Variants in EIF3H observed in about 807,000 individuals in gnomAD.
EIF3H encodes the protein eIF-3-gamma.
In EIF3H, 26 loss-of-function variants were observed where a neutral mutation model predicts 44.2. That is an observed-to-expected ratio of 0.59 (90% CI 0.43 to 0.82). The LOEUF (loss-of-function observed/expected upper bound fraction) is 0.82, where lower values mean the gene tolerates loss of function less well. Ranked by LOEUF, EIF3H falls within the 40% of genes least tolerant of loss-of-function variation. The pLI is 0.00. For missense variants in EIF3H, 359 were observed against 432.8 expected, an observed-to-expected ratio of 0.83 and a Z score of 1.51; for synonymous variants, 166 against 151.9, an observed-to-expected ratio of 1.09 and a Z score of -0.68.
intron 2 of EIF3H, among the ~76,000 whole-genome samples, chr8:116,715,122 T>C (rs1291183156): frequency 6.6e-6 from 1 of 152,082 alleles, no homozygotes; most frequent in Non-Finnish European, 1.5e-5. Context: ...AATAACCCTA[T>C]GCTGGGAAAA....
At chr8:116,667,268 C>T (rs1301219127) in intron 2 of EIF3H, among the ~76,000 whole-genome samples, 1 of 152,048 alleles carries the variant, frequency 6.6e-6, no homozygotes, top group South Asian at 2.1e-4. Context: ...AGTACTTAAC[C>T]CTGAATGAAA....
At chr8:116,717,733 A>T (rs1257895889) in intron 2 of EIF3H, among the ~76,000 whole-genome samples, 1 of 152,186 alleles carries the variant, frequency 6.6e-6, no homozygotes, top group Non-Finnish European at 1.5e-5. Context: ...CTCTCACCTT[A>T]TACAAAAATC....
intron 2 of EIF3H, among the ~76,000 whole-genome samples, chr8:116,724,259 A>G (rs937471142): frequency 2.6e-5 from 4 of 152,222 alleles, no homozygotes; most frequent in Admixed American, 6.5e-5. Context: ...TCCACATGCC[A>G]AAGAACGAAG....
intron 1 of EIF3H, among the ~76,000 whole-genome samples, chr8:116,740,076 A>G (rs558785941): frequency 1.3e-5 from 2 of 152,340 alleles, no homozygotes; most frequent in South Asian, 2.1e-4. Context: ...TAAACACTCT[A>G]TCTTAACCCT....
At chr8:116,673,199 T>C (rs1484046430) in intron 2 of EIF3H, among the ~76,000 whole-genome samples, 1 of 152,070 alleles carries the variant, frequency 6.6e-6, no homozygotes, top group African/African-American at 2.4e-5. Context: ...TTTTAAAACA[T>C]CAGCAAAAGC....
At chr8:116,722,485 T>C (rs1814766544) in intron 2 of EIF3H, among the ~76,000 whole-genome samples, 1 of 152,250 alleles carries the variant, frequency 6.6e-6, no homozygotes, top group Admixed American at 6.5e-5. Context: ...GTCCCCTCTA[T>C]ACCTCCCCTT....
intron 6 of EIF3H, among the ~76,000 whole-genome samples, chr8:116,647,535 G>GATAT (rs911925851): frequency 6.6e-6 from 1 of 152,164 alleles, no homozygotes; most frequent in Admixed American, 6.5e-5. Flanking sequence ...AGAAAGCAGG[G>GATAT]ATATATATAA....
rs573907222 is a variant in EIF3H at position 116,719,610 on chromosome 8, T to C, written c.289+6406A>G. On this transcript the variant is annotated intron_variant, in intron 2 of 7. Coordinates refer to ENST00000521861, the MANE Select transcript of EIF3H (RefSeq NM_003756.3). ...TCTAAAGGGTTGAGGAGTAAATGGT[T>C]GTCAGAAAATTTATGAATATTTTTA... Among the ~76,000 whole-genome samples the C allele has an allele frequency of 3.9e-5, 6 of 152,256 alleles. No homozygotes were observed. In the South Asian group the frequency reaches 1.2e-3, roughly 32 times the overall value.
chr8:116,718,127 T>A (rs1283503163), intron 2 of EIF3H, among the ~76,000 whole-genome samples: 2 of 151,946 alleles, frequency 1.3e-5, no homozygotes, highest in Non-Finnish European at 2.9e-5. Flanking sequence ...GAAAAAATGC[T>A]CAACATCACT....
intron 2 of EIF3H, among the ~76,000 whole-genome samples, chr8:116,673,077 T>A (rs1813784959): frequency 6.6e-6 from 1 of 150,462 alleles, no homozygotes; most frequent in East Asian, 1.9e-4. Context: ...GATTTGTACC[T>A]CTCCCCAGGG....
intron 2 of EIF3H, among the ~76,000 whole-genome samples, chr8:116,676,912 T>C (rs1813858687): frequency 6.6e-6 from 1 of 151,932 alleles, no homozygotes; most frequent in African/African-American, 2.4e-5. Flanking sequence ...ATGCAGATGA[T>C]TGGCACCAGT....
chr8:116,754,499 A>G (rs1815408525), intron 1 of EIF3H, among the ~76,000 whole-genome samples: 1 of 152,244 alleles, frequency 6.6e-6, no homozygotes, highest in Admixed American at 6.5e-5. Flanking sequence ...TCTGCTAACC[A>G]CAGACATTAA....
At chr8:116,684,593 C>T (rs780030411) in intron 2 of EIF3H, among the ~76,000 whole-genome samples, 1 of 151,806 alleles carries the variant, frequency 6.6e-6, no homozygotes, top group Non-Finnish European at 1.5e-5. Flanking sequence ...CATAAAACTG[C>T]TAGACAATTA....
intron 2 of EIF3H, among the ~76,000 whole-genome samples, chr8:116,661,803 CAG>C (rs1813590302): frequency 6.6e-6 from 1 of 152,086 alleles, no homozygotes; most frequent in South Asian, 2.1e-4. Context: ...CTTCTTTATC[CAG>C]AGTCTTACCT....
At chr8:116,718,225 A>C (rs888771269) in intron 2 of EIF3H, among the ~76,000 whole-genome samples, 1 of 152,152 alleles carries the variant, frequency 6.6e-6, no homozygotes, top group African/African-American at 2.4e-5. Flanking sequence ...AAAAAATTAT[A>C]GATGTTGGCC....
chr8:116,702,783 A>T (rs1290409700), intron 2 of EIF3H, among the ~76,000 whole-genome samples: 1 of 152,236 alleles, frequency 6.6e-6, no homozygotes, highest in African/African-American at 2.4e-5. Context: ...AGGACAACAT[A>T]TTAAAAACCT....
intron 2 of EIF3H, among the ~76,000 whole-genome samples, chr8:116,706,235 T>G (rs933281662): frequency 1.3e-5 from 2 of 152,220 alleles, no homozygotes; most frequent in Admixed American, 1.3e-4. Context: ...CCTAAACTTC[T>G]GTAAGCTCTG....
Position 116,646,766 on chromosome 8 carries a change from G to A in EIF3H, c.829-163C>T, listed in dbSNP as rs553849411. On this transcript the variant is annotated intron_variant, in intron 6 of 7. Coordinates refer to ENST00000521861, the MANE Select transcript of EIF3H (RefSeq NM_003756.3). ...AACTTGCGTCTAAGAAGCTAAATACGCCAATAGCAGAAGAAAATTCCTTTG... is the reference window on the plus strand; with the variant it reads ...AACTTGCGTCTAAGAAGCTAAATACACCAATAGCAGAAGAAAATTCCTTTG... Among the ~76,000 whole-genome samples, 10 of 152,232 alleles carry A rather than the reference G, an allele frequency of 6.6e-5. No individual in the cohort carries two copies. The South Asian group carries it at 1.0e-3, about 16-fold the overall frequency.
At chr8:116,681,550 T>C (rs1813989387) in intron 2 of EIF3H, among the ~76,000 whole-genome samples, 1 of 149,614 alleles carries the variant, frequency 6.7e-6, no homozygotes, top group Non-Finnish European at 1.5e-5. Flanking sequence ...CCTGTAATCC[T>C]AGCTACTAAG....
Sources: allele counts gnomAD v4.1 joint callset (sites outside exome capture counted in the v4.1 genomes callset), GRCh38; gene constraint gnomAD v4.1.1; transcripts MANE v1.5; gene names NCBI Gene and HGNC (gene_info 2026-07-23, HGNC 2026-07-21).